The following RIMBP2 variants were observed in gnomAD, a reference collection of about 807,000 sequenced individuals.
RIMBP2 encodes RIMS-binding protein 2.
Under a neutral mutation model 118.6 loss-of-function variants are expected in RIMBP2, and 48 were observed. The observed-to-expected ratio is 0.40, with a 90% CI of 0.32 to 0.51. RIMBP2 has a LOEUF of 0.51. Ranked by LOEUF, RIMBP2 falls within the 20% of genes least tolerant of loss-of-function variation. The pLI is 0.41. For synonymous variants in RIMBP2, 762 were observed against 742.9 expected (o/e 1.03, Z -0.42); for missense variants, 1,551 against 1,768.3 (o/e 0.88, Z 2.20).
chr12:130,664,385 G>T lies in RIMBP2; in HGVS notation c.-351-35929C>A, dbSNP rs796363154. Among the ~76,000 whole-genome samples the T allele has an allele frequency of 1.4e-4, 9 of 64,600 alleles. No homozygotes were observed. The South Asian group carries it at 3.8e-3, about 28-fold the overall frequency. The allele number at this position is 64,600 out of a possible 152,430, so 42.4% of individuals were successfully genotyped here. A position where few individuals can be genotyped will look rare whatever the true frequency, so the allele number is the denominator to read the frequency against. On this transcript the variant is annotated intron_variant, in intron 1 of 22. Coordinates refer to ENST00000690449, the MANE Select transcript of RIMBP2 (RefSeq NM_001393629.1). ...CATATGCACGTGCATGCACGCACGC[G>T]CATGCACACACACGCACGCACGCAC...
chr12:130,629,623 G>A (rs1055013322), intron 1 of RIMBP2, among the ~76,000 whole-genome samples: 1 of 152,056 alleles, frequency 6.6e-6, no homozygotes, highest in African/African-American at 2.4e-5. Context: ...GTCCACCTGT[G>A]GATACCCCTC....
intron 1 of RIMBP2, among the ~76,000 whole-genome samples, chr12:130,712,434 G>C (rs1949987163): frequency 6.6e-6 from 1 of 151,960 alleles, no homozygotes; most frequent in Non-Finnish European, 1.5e-5. Flanking sequence ...TAAAAGCTAA[G>C]ACATAAACAC....
intron 2 of RIMBP2, among the ~76,000 whole-genome samples, chr12:130,548,569 G>T (rs943074373): frequency 6.6e-6 from 1 of 151,670 alleles, no homozygotes; most frequent in South Asian, 2.1e-4. Context: ...GGACTTTGTG[G>T]GTTTTTTTGC....
intron 4 of RIMBP2, among the ~76,000 whole-genome samples, chr12:130,480,444 C>T (rs1008268797): frequency 3.9e-5 from 6 of 152,250 alleles, no homozygotes; most frequent in Non-Finnish European, 5.9e-5. Flanking sequence ...GAGGGCCACA[C>T]AGATGACCCA....
At chr12:130,571,787 A>G (rs1358894767) in intron 2 of RIMBP2, among the ~76,000 whole-genome samples, 1 of 152,038 alleles carries the variant, frequency 6.6e-6, no homozygotes, top group Non-Finnish European at 1.5e-5. Context: ...ATGGCCTCTC[A>G]GACCTGCCAT....
intron 19 of RIMBP2, among the ~76,000 whole-genome samples, chr12:130,411,928 T>G (rs554505035): frequency 5.3e-5 from 8 of 152,320 alleles, no homozygotes; most frequent in African/African-American, 1.9e-4. Context: ...TAATCAAGTT[T>G]TGAAGTATTA....
rs1365151274 is a variant in RIMBP2, at chr12:130,617,943, G to A, written c.-217+10379C>T. Reference sequence around the variant, plus strand: ...GTGGTGGCCCACGCCTGTAATCCCAGTACCTTGGGACGCTGAGGCGGGAGG... The same window carrying A: ...GTGGTGGCCCACGCCTGTAATCCCAATACCTTGGGACGCTGAGGCGGGAGG... On this transcript the variant is annotated intron_variant, in intron 2 of 22. Transcript: ENST00000690449. The surrounding 1 kb of genome is among the most constrained non-coding windows in gnomAD (Gnocchi z 4.6). Among the ~76,000 whole-genome samples, 1 of 148,908 alleles carries A rather than the reference G, an allele frequency of 6.7e-6. No homozygotes were observed. Among genetic ancestry groups the A allele is most frequent in the Non-Finnish European group, 1.5e-5 (1 of 67,664 alleles).
intron 2 of RIMBP2, among the ~76,000 whole-genome samples, chr12:130,583,722 A>G (rs1386843088): frequency 2.1e-5 from 3 of 142,802 alleles, no homozygotes; most frequent in Non-Finnish European, 4.5e-5. Flanking sequence ...CCATCACCTC[A>G]TCACCACGAC....
At chr12:130,673,836 C>T (rs1292940227) in intron 1 of RIMBP2, among the ~76,000 whole-genome samples, 2 of 151,956 alleles carry the variant, frequency 1.3e-5, no homozygotes, top group East Asian at 1.9e-4. Context: ...GGGCCAGGCA[C>T]GGTGGCTTAC....
chr12:130,599,577 A>G (rs924704031), intron 2 of RIMBP2, among the ~76,000 whole-genome samples: 1 of 152,224 alleles, frequency 6.6e-6, no homozygotes, highest in African/African-American at 2.4e-5. Flanking sequence ...TGACTTACCC[A>G]TTAAACTAAC....
At chr12:130,441,759 T>A in intron 11 of RIMBP2, 89 bp downstream of exon 11, 1 of 1,185,596 alleles carries the variant, frequency 8.4e-7, no homozygotes, top group Non-Finnish European at 1.2e-6. Flanking sequence ...GGATTCCTGC[T>A]TCTGCCTGCC....
At position 130,431,309 on chromosome 12, in the gene RIMBP2, T is replaced by C; in HGVS notation, c.2254-2972A>G. On this transcript the variant is annotated intron_variant, in intron 14 of 22. Transcript: ENST00000690449. This position sits in a 1 kb window ranked among gnomAD's most constrained non-coding sequence, Gnocchi z 4.0. ...TGGGATAGCGCCAGGGGGTAAGGGC[T>C]CATGTGACGGGGCGGGCAGCATGGG... 4.0e-6 allele frequency: 1 copy of C among 249,344 alleles called. No homozygotes were observed. The allele number at this position is 249,344 out of a possible 1,614,324, so 15.4% of individuals were successfully genotyped here.
At chr12:130,504,210 G>C (rs1448427759) in intron 4 of RIMBP2, among the ~76,000 whole-genome samples, 1 of 152,144 alleles carries the variant, frequency 6.6e-6, no homozygotes, top group Non-Finnish European at 1.5e-5. Flanking sequence ...GGTGTGATTT[G>C]GTGGCCCGGT....
In RIMBP2 at chr12:130,450,345, C is replaced by G; in HGVS notation, c.505-69G>C. ...TGTCCCACCCCATTCCCGCGGCACA[C>G]GGGAAAGCCCCTCGCAGCTTCCTGG... is the stretch of plus-strand genomic sequence containing the variant. On this transcript the variant is annotated intron_variant, in intron 8 of 22. Coordinates refer to ENST00000690449, the MANE Select transcript of RIMBP2 (RefSeq NM_001393629.1). This position sits in a 1 kb window ranked among gnomAD's most constrained non-coding sequence, Gnocchi z 4.8. The G allele has an allele frequency of 1.6e-6, 2 of 1,216,940 alleles. No homozygotes were observed. The highest frequency in any genetic ancestry group is 2.4e-6 in the Non-Finnish European group (2 of 839,132). 75.4% of individuals were successfully genotyped at this position (1,216,940 alleles called of 1,614,324 possible). A position where few individuals can be genotyped will look rare whatever the true frequency, so the allele number is the denominator to read the frequency against.
At chr12:130,608,829 C>T (rs115207690) in intron 2 of RIMBP2, among the ~76,000 whole-genome samples, 1 of 152,002 alleles carries the variant, frequency 6.6e-6, no homozygotes, top group Non-Finnish European at 1.5e-5. Context: ...CATTTTTAAC[C>T]AATACATCGT....
chr12:130,487,560 C>T lies in RIMBP2; in HGVS notation c.-3-8544G>A, dbSNP rs1482822818. Among the ~76,000 whole-genome samples the T allele has an allele frequency of 3.3e-5, 5 of 152,330 alleles. No homozygotes were observed. In the South Asian group the frequency reaches 1.0e-3, roughly 32 times the overall value. On this transcript the variant is annotated intron_variant, in intron 4 of 22. Transcript: ENST00000690449. ...GCTGGTGCCATGCTTGTACAGCCTGCAGAACTGTGAGATAAATTCGCTTCT... is the reference window on the plus strand; with the variant it reads ...GCTGGTGCCATGCTTGTACAGCCTGTAGAACTGTGAGATAAATTCGCTTCT...
intron 1 of RIMBP2, among the ~76,000 whole-genome samples, chr12:130,642,136 T>C (rs2062650544): frequency 1.3e-5 from 2 of 152,068 alleles, no homozygotes; most frequent in Non-Finnish European, 2.9e-5. Flanking sequence ...TTTGCATTGG[T>C]ACTCAGGGCT....
chr12:130,468,049 G>A (rs554461674), intron 6 of RIMBP2, among the ~76,000 whole-genome samples: 10 of 152,310 alleles, frequency 6.6e-5, no homozygotes, highest in South Asian at 4.1e-4. Context: ...AGAAAGTCAC[G>A]AATATGCCCC....
At chr12:130,698,746 A>C (rs1328216823) in intron 1 of RIMBP2, among the ~76,000 whole-genome samples, 6 of 152,168 alleles carry the variant, frequency 3.9e-5, no homozygotes, top group African/African-American at 1.2e-4. Flanking sequence ...TAATTAAACT[A>C]AAGAGCTTCT....
Sources: allele counts gnomAD v4.1 joint callset (sites outside exome capture counted in the v4.1 genomes callset), GRCh38; gene constraint gnomAD v4.1.1; non-coding constraint Gnocchi (gnomAD v3.1); transcripts MANE v1.5; gene names NCBI Gene and HGNC (gene_info 2026-07-23, HGNC 2026-07-21).